LIN7A: variants seen among roughly 807,000 people sequenced by gnomAD.
LIN7A encodes the protein protein lin-7 homolog A.
In LIN7A, 25 loss-of-function variants were observed where a neutral mutation model predicts 29.8. The observed-to-expected ratio is 0.84, with a 90% CI of 0.61 to 1.17. LIN7A has a LOEUF of 1.17. Ranked by LOEUF, LIN7A falls within the 50% of genes most tolerant of loss-of-function variation. LIN7A has a pLI of 0.00. For missense variants in LIN7A, 239 were observed against 287.0 expected (o/e 0.83, Z 1.21); for synonymous variants, 118 against 107.5 (o/e 1.10, Z -0.60).
At chr12:80,848,030 A>G in intron 3 of LIN7A, 5 of 651,834 alleles carry the variant, frequency 7.7e-6, no homozygotes, top group Non-Finnish European at 1.4e-5. Context: ...AGTGAGTTTA[A>G]TGAAATCATT....
intron 4 of LIN7A, among the ~76,000 whole-genome samples, chr12:80,833,474 C>T (rs1872469340): frequency 6.6e-6 from 1 of 152,220 alleles, no homozygotes; most frequent in African/African-American, 2.4e-5. Flanking sequence ...CCTGGTTGAT[C>T]TTCCACCTCC....
chr12:80,854,536 C>T (rs191528915), intron 2 of LIN7A, among the ~76,000 whole-genome samples: 29 of 129,338 alleles, frequency 2.2e-4, no homozygotes, highest in African/African-American at 7.5e-4. Flanking sequence ...TTTTATGTGA[C>T]ACTTTGAAAA....
rs768263053 is a variant in LIN7A at position 80,889,351 on chromosome 12, T to C, written c.101A>G (p.Glu34Gly). 7 of 1,605,252 alleles carry C rather than the reference T, an allele frequency of 4.4e-6. No individual in the cohort carries two copies. The highest frequency in any genetic ancestry group is 5.1e-6 in the Non-Finnish European group (6 of 1,172,624). The stretch of plus-strand genomic sequence containing the variant: ...AGATTCCTGTAGTTTTTCCAGTAAT[T>C]CAATTGCTCTTGCAACATCTGAATG... ...TLDRDVARAI[E>G]LLEKLQESGE... The change falls in exon 2 of 6, where the codon GAA (glutamate) becomes GGA (glycine). Residue 34 changes from glutamate (E) to glycine (G), a missense_variant. Transcript: ENST00000552864.
At chr12:80,905,700 T>G (rs1470178662) in intron 1 of LIN7A, among the ~76,000 whole-genome samples, 1 of 152,196 alleles carries the variant, frequency 6.6e-6, no homozygotes, top group Admixed American at 6.5e-5. Flanking sequence ...GCTAATGGCA[T>G]CTTGGTAACA....
rs546108870 is a variant in LIN7A at position 80,844,648 on chromosome 12, TG to T, written c.483+1081del. On this transcript the variant is annotated intron_variant, in intron 4 of 5. Transcript: ENST00000552864. ...TAAGTTTCTGTTTATATTTCTGAAA[TG>T]TATGCTTTTAGGTAATTTATGTTTA... is the stretch of plus-strand genomic sequence containing the variant. 7.4e-4 allele frequency among the ~76,000 whole-genome samples: 113 copies of T among 152,284 alleles called. 1 individual carries two copies. Among genetic ancestry groups the T allele is most frequent in the Non-Finnish European group, 1.3e-3 (89 of 68,014 alleles).
chr12:80,864,161 A>G (rs971498399), intron 2 of LIN7A, among the ~76,000 whole-genome samples: 1 of 152,136 alleles, frequency 6.6e-6, no homozygotes, highest in Non-Finnish European at 1.5e-5. Context: ...AGCAACTGTT[A>G]TTATTTCTGT....
intron 1 of LIN7A, among the ~76,000 whole-genome samples, chr12:80,908,708 A>G (rs1258774149): frequency 6.6e-6 from 1 of 152,062 alleles, no homozygotes; most frequent in African/African-American, 2.4e-5. Flanking sequence ...ATCTCAGTGT[A>G]GTTTCAATTT....
rs1870741106 is a variant in LIN7A at position 80,801,919 on chromosome 12, CAG to C, written c.*1-4195_*1-4194del. ...TAACTTTTTTTTTTTTTTTTTGAGACAGTGTCTTCCTCCGTTGCCCAAGCTGG... is the reference window on the plus strand; with the variant it reads ...TAACTTTTTTTTTTTTTTTTTGAGACTGTCTTCCTCCGTTGCCCAAGCTGG... On this transcript the variant is annotated intron_variant, in intron 5 of 5. Coordinates refer to ENST00000552864, the MANE Select transcript of LIN7A (RefSeq NM_004664.4). Among the ~76,000 whole-genome samples the C allele has an allele frequency of 2.1e-5, 3 of 141,694 alleles. No individual in the cohort carries two copies. The South Asian group carries it at 6.5e-4, about 31-fold the overall frequency. The allele number at this position is 141,694 out of a possible 152,430, so 93.0% of individuals were successfully genotyped here. A position where few individuals can be genotyped will look rare whatever the true frequency, so the allele number is the denominator to read the frequency against.
chr12:80,847,567 A>G (rs1011579171), intron 3 of LIN7A, among the ~76,000 whole-genome samples: 11 of 152,232 alleles, frequency 7.2e-5, no homozygotes, highest in Non-Finnish European at 1.3e-4. Flanking sequence ...TCATGTTTCT[A>G]TTATAACATT....
Position 80,935,040 on chromosome 12 carries a change from T to C in LIN7A, c.82+2601A>G, listed in dbSNP as rs1172203736. 2.0e-5 allele frequency among the ~76,000 whole-genome samples: 3 copies of C among 152,338 alleles called. No individual in the cohort carries two copies. The East Asian group carries it at 5.8e-4, about 29-fold the overall frequency. On this transcript the variant is annotated intron_variant, in intron 1 of 5. Transcript: ENST00000552864. ...GTTAAAATACTGTGAATCTATGAAA[T>C]GCACCTCAGTTCACTAGGAAATCAC... is the stretch of plus-strand genomic sequence containing the variant.
chr12:80,858,507 CT>C (rs11353715), intron 2 of LIN7A, among the ~76,000 whole-genome samples: 61,282 of 139,284 alleles, frequency 0.44, 12,872 homozygotes, highest in East Asian at 0.67. Flanking sequence ...GAAGAAATTT[CT>C]TTTTTTTTTT....
intron 1 of LIN7A, among the ~76,000 whole-genome samples, chr12:80,930,266 T>C (rs1476820314): frequency 1.3e-5 from 2 of 152,218 alleles, no homozygotes; most frequent in African/African-American, 4.8e-5. Context: ...TCCCTCATGA[T>C]TTTTTTCAAG....
chr12:80,911,991 G>T (rs951736277), intron 1 of LIN7A, among the ~76,000 whole-genome samples: 1 of 130,468 alleles, frequency 7.7e-6, no homozygotes, highest in African/African-American at 2.6e-5. Flanking sequence ...TTTTATTAAT[G>T]CTTTAAACAT....
chr12:80,891,492 A>G (rs1330467991), intron 1 of LIN7A, among the ~76,000 whole-genome samples: 2 of 152,162 alleles, frequency 1.3e-5, no homozygotes, highest in Non-Finnish European at 2.9e-5. Flanking sequence ...ATGTTTTGGC[A>G]CATGTCATCA....
intron 2 of LIN7A, among the ~76,000 whole-genome samples, chr12:80,853,881 ACGGG>A (rs1873457466): frequency 6.6e-6 from 1 of 152,028 alleles, no homozygotes; most frequent in Admixed American, 6.6e-5. Flanking sequence ...TTTAATAGAG[ACGGG>A]GTTTCACTAT....
intron 4 of LIN7A, among the ~76,000 whole-genome samples, chr12:80,826,882 AC>A (rs1250176301): frequency 6.6e-6 from 1 of 152,086 alleles, no homozygotes; most frequent in Non-Finnish European, 1.5e-5. Context: ...AAAGAACACA[AC>A]TATGATAGGC....
chr12:80,807,375 A>G (rs1871096621), intron 5 of LIN7A, among the ~76,000 whole-genome samples: 1 of 152,034 alleles, frequency 6.6e-6, no homozygotes, highest in African/African-American at 2.4e-5. Flanking sequence ...TGGCCCGAAG[A>G]TGGAGATTTA....
chr12:80,824,533 A>G (rs1871965998), intron 4 of LIN7A, among the ~76,000 whole-genome samples: 1 of 152,236 alleles, frequency 6.6e-6, no homozygotes, highest in Non-Finnish European at 1.5e-5. Context: ...TATCACCTTA[A>G]TACCAAAACC....
In LIN7A at chr12:80,796,895, T is replaced by A. The variant is rs1870475247; in HGVS notation, c.*832A>T. ...TTCACAGGGCTAGGTCCTTTGCTAG[T>A]ATTCTCTTACTAGATTCTTAATACT... is the stretch of plus-strand genomic sequence containing the variant. On this transcript the variant is annotated 3_prime_UTR_variant, in exon 6 of 6. Coordinates refer to ENST00000552864, the MANE Select transcript of LIN7A (RefSeq NM_004664.4). 1 of 152,100 alleles carries A rather than the reference T, an allele frequency of 6.6e-6. No homozygotes were observed. Among genetic ancestry groups the A allele is most frequent in the African/African-American group, 2.4e-5 (1 of 41,390 alleles). 9.4% of individuals were successfully genotyped at this position (152,100 alleles called of 1,614,324 possible).
Sources: gnomAD v4.1 joint callset for allele counts (sites outside exome capture counted in the v4.1 genomes callset) on GRCh38, gnomAD v4.1.1 for gene constraint, MANE v1.5 for transcripts, NCBI Gene and HGNC (gene_info 2026-07-23, HGNC 2026-07-21) for gene names.